TSPEAR: variants seen among roughly 807,000 people sequenced by gnomAD.
TSPEAR encodes the protein thrombospondin-type laminin G domain and EAR repeat-containing protein.
In TSPEAR, 69 loss-of-function variants were observed where a neutral mutation model predicts 71.6. That is an observed-to-expected ratio of 0.96 (90% CI 0.79 to 1.18). TSPEAR has a LOEUF of 1.18. Among genes scored for constraint, TSPEAR ranks in the 50% most tolerant of loss-of-function variants. TSPEAR has a pLI of 0.00. For synonymous variants in TSPEAR, 402 were observed against 387.2 expected (o/e 1.04, Z -0.45); for missense variants, 971 against 894.9 (o/e 1.09, Z -1.09).
intron 1 of TSPEAR, among the ~76,000 whole-genome samples, chr21:44,632,689 A>C (rs114525174): frequency 0.016 from 2,494 of 152,170 alleles, 76 homozygotes; most frequent in African/African-American, 0.056. Context: ...CACACACAAA[A>C]AAAAATAGCT....
intron 1 of TSPEAR, among the ~76,000 whole-genome samples, chr21:44,650,393 G>A (rs587656294): frequency 1.6e-4 from 25 of 152,350 alleles, no homozygotes; most frequent in Middle Eastern, 3.4e-3. Context: ...GCACACGAAC[G>A]GGCACCTGGA....
intron 1 of TSPEAR, chr21:44,646,583 C>T: frequency 6.2e-7 from 1 of 1,612,426 alleles, no homozygotes; most frequent in Non-Finnish European, 8.5e-7. Context: ...CCGGCCCCCT[C>T]CCTGAGCCTG....
chr21:44,674,731 AGTGTGTGTGTGTGTGT>A lies in TSPEAR; in HGVS notation c.82+36686_82+36701del, dbSNP rs59452363. Among the ~76,000 whole-genome samples the A allele has an allele frequency of 2.9e-3, 374 of 127,148 alleles. 1 individual carries two copies. The highest frequency in any genetic ancestry group is 9.8e-3 in the East Asian group (40 of 4,084). 83.4% of individuals were successfully genotyped at this position (127,148 alleles called of 152,430 possible). ...TGACAAAGGGAGACTCTGTCTTTAA[AGTGTGTGTGTGTGTGT>A]GTGTGTGTGTGTGTGTGTGTGTGTG... On this transcript the variant is annotated intron_variant, in intron 1 of 11. Coordinates refer to ENST00000323084, the MANE Select transcript of TSPEAR (RefSeq NM_144991.3).
chr21:44,552,307 C>T (rs2053454797), intron 2 of TSPEAR, among the ~76,000 whole-genome samples: 1 of 152,078 alleles, frequency 6.6e-6, no homozygotes, highest in Admixed American at 6.5e-5. Context: ...CAGGACAGGC[C>T]CTGACCCCGG....
intron 1 of TSPEAR, among the ~76,000 whole-genome samples, chr21:44,699,934 C>A (rs1555951321): frequency 6.6e-6 from 1 of 152,210 alleles, no homozygotes; most frequent in East Asian, 1.9e-4. Context: ...CCTGGCCCTG[C>A]CATCTTCACT....
intron 1 of TSPEAR, among the ~76,000 whole-genome samples, chr21:44,582,738 C>A (rs905026663): frequency 1.2e-4 from 18 of 152,200 alleles, no homozygotes; most frequent in African/African-American, 4.3e-4. Flanking sequence ...TGGAAATTTT[C>A]ACTGGGGGCC....
intron 1 of TSPEAR, among the ~76,000 whole-genome samples, chr21:44,690,192 A>G (rs1987068438): frequency 6.6e-6 from 1 of 152,242 alleles, no homozygotes; most frequent in African/African-American, 2.4e-5. Flanking sequence ...AATGAGGAAA[A>G]AATACCATAA....
chr21:44,698,107 CCTG>C, intron 1 of TSPEAR: 1 of 824,484 alleles, frequency 1.2e-6, no homozygotes, highest in East Asian at 2.7e-5. Flanking sequence ...CCTGGGGGCT[CCTG>C]CTAAGCTCCA....
chr21:44,502,197 GC>G (rs2052045027), intron 11 of TSPEAR, among the ~76,000 whole-genome samples: 1 of 152,198 alleles, frequency 6.6e-6, no homozygotes, highest in Admixed American at 6.5e-5. Flanking sequence ...GGCCCGGATG[GC>G]CCACAGCCCA....
At chr21:44,641,296 G>GGAGGAGGAA (rs1393402987) in intron 1 of TSPEAR, among the ~76,000 whole-genome samples, 2 of 152,292 alleles carry the variant, frequency 1.3e-5, no homozygotes, top group East Asian at 1.9e-4. Context: ...CTACCAAAAA[G>GGAGGAGGAA]GAGGAGGAAG....
At position 44,593,733 on chromosome 21, in the gene TSPEAR, G is replaced by A. The variant is rs1980160916; in HGVS notation, c.83-25728C>T. On this transcript the variant is annotated intron_variant, in intron 1 of 11. Transcript: ENST00000323084. The surrounding 1 kb of genome is among the most constrained non-coding windows in gnomAD (Gnocchi z 5.9). The stretch of plus-strand genomic sequence containing the variant: ...GGACCTCAGGCCGCGCCAGGCAAGG[G>A]ACAAGCCGCGTGCCCTACACTGAGA... Among the ~76,000 whole-genome samples the A allele has an allele frequency of 6.6e-6, 1 of 152,214 alleles. No individual in the cohort carries two copies. Among genetic ancestry groups the A allele is most frequent in the African/African-American group, 2.4e-5 (1 of 41,454 alleles).
chr21:44,668,564 C>T (rs1985904466), intron 1 of TSPEAR, among the ~76,000 whole-genome samples: 1 of 152,184 alleles, frequency 6.6e-6, no homozygotes, highest in African/African-American at 2.4e-5. Context: ...TGTGGAGTCT[C>T]AAGGGACCCT....
rs1555910883 is a variant in TSPEAR, at chr21:44,499,766, G to A, written c.*17C>T. 1 of 1,546,518 alleles carries A rather than the reference G, an allele frequency of 6.5e-7. No homozygotes were observed. The highest frequency in any genetic ancestry group is 1.4e-5 in the African/African-American group (1 of 72,454). On this transcript the variant is annotated 3_prime_UTR_variant, in exon 12 of 12. Coordinates refer to ENST00000323084, the MANE Select transcript of TSPEAR (RefSeq NM_144991.3). ...GCCCCACCTGGCCACCCCAGTTGCT[G>A]CCGGGCAGCCGCGGCCTCAGCGTGT... is the stretch of plus-strand genomic sequence containing the variant.
intron 1 of TSPEAR, among the ~76,000 whole-genome samples, chr21:44,611,048 T>C (rs1981631944): frequency 6.6e-6 from 1 of 152,174 alleles, no homozygotes; most frequent in Non-Finnish European, 1.5e-5. Flanking sequence ...TACAGGCTCA[T>C]AGGTGGAAGA....
intron 1 of TSPEAR, among the ~76,000 whole-genome samples, chr21:44,578,490 A>G (rs587685619): frequency 6.6e-6 from 1 of 152,234 alleles, no homozygotes; most frequent in East Asian, 1.9e-4. Flanking sequence ...ATCTAACCCA[A>G]ACTTTTCCAG....
At chr21:44,643,233 A>G (rs1984118209) in intron 1 of TSPEAR, among the ~76,000 whole-genome samples, 1 of 152,194 alleles carries the variant, frequency 6.6e-6, no homozygotes, top group South Asian at 2.1e-4. Context: ...CAGAGAGTAG[A>G]ATGGGGATTC....
In TSPEAR at chr21:44,521,866, C is replaced by T; in HGVS notation, c.1566+17G>A. On this transcript the variant is annotated intron_variant, in intron 9 of 11. Coordinates refer to ENST00000323084, the MANE Select transcript of TSPEAR (RefSeq NM_144991.3). Reference sequence around the variant, plus strand: ...TGGCCAGCAATGGAGAGCCGGGGCTCATGCGGGGGGCCTTACCGGGAAGGA... The same window carrying T: ...TGGCCAGCAATGGAGAGCCGGGGCTTATGCGGGGGGCCTTACCGGGAAGGA... The T allele has an allele frequency of 6.2e-7, 1 of 1,609,732 alleles. No individual in the cohort carries two copies. Among genetic ancestry groups the T allele is most frequent in the Non-Finnish European group, 8.5e-7 (1 of 1,177,036 alleles).
chr21:44,508,534 A>T, intron 10 of TSPEAR: 1 of 1,106,016 alleles, frequency 9.0e-7, no homozygotes, highest in South Asian at 2.3e-5. Flanking sequence ...GTTTATTCAC[A>T]GACCGGAATT....
chr21:44,614,769 C>A (rs1601488529), intron 1 of TSPEAR, among the ~76,000 whole-genome samples: 1 of 152,226 alleles, frequency 6.6e-6, no homozygotes, highest in East Asian at 1.9e-4. Flanking sequence ...AAGACGACAG[C>A]AGAAAACCAG....
Sources: gnomAD v4.1 joint callset for allele counts (sites outside exome capture counted in the v4.1 genomes callset) on GRCh38, gnomAD v4.1.1 for gene constraint, Gnocchi (gnomAD v3.1) non-coding constraint, MANE v1.5 for transcripts, NCBI Gene and HGNC (gene_info 2026-07-23, HGNC 2026-07-21) for gene names.